ESR1: variants seen among roughly 807,000 people sequenced by gnomAD.
ESR1 encodes the protein estrogen receptor.
ESR1 carries 12 observed loss-of-function variants against 52.7 expected under a neutral mutation model. The ratio of observed to expected loss-of-function variants is 0.23; its 90% CI spans 0.15 to 0.37. ESR1 has a LOEUF of 0.37. ESR1 is among the 10% of genes least tolerant of loss of function. ESR1 has a pLI of 1.00. For synonymous variants in ESR1, 305 were observed against 316.8 expected, an observed-to-expected ratio of 0.96 and a Z score of 0.39; for missense variants, 584 against 779.7, an observed-to-expected ratio of 0.75 and a Z score of 2.99.
chr6:151,867,414 TAC>T (rs34943625), intron 2 of ESR1, among the ~76,000 whole-genome samples: 7,702 of 147,272 alleles, frequency 0.052, 299 homozygotes, highest in East Asian at 0.19. Flanking sequence ...TCAACAAATT[TAC>T]ACACACACAC....
chr6:151,956,863 AAT>A (rs148869477), intron 4 of ESR1, among the ~76,000 whole-genome samples: 5 of 53,898 alleles, frequency 9.3e-5, no homozygotes, highest in African/African-American at 1.9e-4. Context: ...TATATATATA[AAT>A]ATATATATAT....
At chr6:151,873,156 G>A (rs1463807633) in intron 2 of ESR1, among the ~76,000 whole-genome samples, 1 of 152,158 alleles carries the variant, frequency 6.6e-6, no homozygotes, top group East Asian at 1.9e-4. Context: ...TGGAGAAGCT[G>A]GGCTTTCCAT....
At chr6:152,092,472 G>T (rs994863856) in intron 6 of ESR1, among the ~76,000 whole-genome samples, 2 of 152,158 alleles carry the variant, frequency 1.3e-5, no homozygotes, top group South Asian at 4.1e-4. Context: ...AAACTGCTAC[G>T]TGAGCAGTAA....
intron 2 of ESR1, among the ~76,000 whole-genome samples, chr6:151,708,832 T>A (rs917280325): frequency 5.3e-5 from 8 of 152,166 alleles, no homozygotes; most frequent in Non-Finnish European, 1.2e-4. Flanking sequence ...GTTGTATGAT[T>A]TATTGTGTAT....
chr6:152,051,314 T>G (rs1378009609), intron 5 of ESR1, among the ~76,000 whole-genome samples: 1 of 152,164 alleles, frequency 6.6e-6, no homozygotes. Flanking sequence ...ACATCCACTG[T>G]CTACTTTCTT....
At chr6:151,924,843 T>C (rs2032390817) in intron 3 of ESR1, among the ~76,000 whole-genome samples, 1 of 152,200 alleles carries the variant, frequency 6.6e-6, no homozygotes, top group Non-Finnish European at 1.5e-5. Flanking sequence ...TTGTTTTTTT[T>C]TAAACCCTGC....
downstream of ESR1, among the ~76,000 whole-genome samples, chr6:152,106,075 G>A (rs368447315): frequency 6.6e-5 from 10 of 151,080 alleles, no homozygotes; most frequent in East Asian, 1.9e-3. Flanking sequence ...TTACAGGCGT[G>A]AGCCACCGCG....
chr6:151,745,281 T>C (rs1783400109), intron 2 of ESR1, among the ~76,000 whole-genome samples: 1 of 152,186 alleles, frequency 6.6e-6, no homozygotes, highest in Non-Finnish European at 1.5e-5. Context: ...AGCTGGTCTC[T>C]TTCTGGCCTG....
chr6:151,843,479 GA>G (rs1490720142), intron 2 of ESR1, among the ~76,000 whole-genome samples: 1 of 152,098 alleles, frequency 6.6e-6, no homozygotes, highest in African/African-American at 2.4e-5. Context: ...TTCTACTCCA[GA>G]AATGTCTCTA....
chr6:151,663,262 T>C (rs994449658), intron 1 of ESR1, among the ~76,000 whole-genome samples: 2 of 152,252 alleles, frequency 1.3e-5, no homozygotes, highest in African/African-American at 4.8e-5. Context: ...ATTAATGGCC[T>C]ATAGAGCTTC....
chr6:151,806,530 G>GTATATGTATATATATATATATATATATA (rs1554259016), upstream of ESR1, among the ~76,000 whole-genome samples: 1 of 96,468 alleles, frequency 1.0e-5, no homozygotes, highest in Non-Finnish European at 2.2e-5. Context: ...TCCTTAATAT[G>GTATATGTATATATATATATATATATATA]TATATATATA....
intron 1 of ESR1, among the ~76,000 whole-genome samples, chr6:151,693,669 G>C (rs2941739): frequency 0.43 from 64,860 of 152,030 alleles, 14,248 homozygotes; most frequent in Non-Finnish European, 0.45. Flanking sequence ...CGAGGCTGGA[G>C]TGCAGTGGTG....
upstream of ESR1, among the ~76,000 whole-genome samples, chr6:151,799,963 G>T (rs1006290959): frequency 6.6e-6 from 1 of 152,194 alleles, no homozygotes; most frequent in Non-Finnish European, 1.5e-5. Flanking sequence ...CTTGATAAAT[G>T]AGGATAGTAA....
intron 1 of ESR1, among the ~76,000 whole-genome samples, chr6:151,676,316 ATC>A (rs1426325318): frequency 6.6e-6 from 1 of 152,162 alleles, no homozygotes; most frequent in Non-Finnish European, 1.5e-5. Context: ...GACACCAGCC[ATC>A]TCTCTCTCCT....
At chr6:151,957,646 A>G (rs1005704769) in intron 4 of ESR1, among the ~76,000 whole-genome samples, 2 of 133,070 alleles carry the variant, frequency 1.5e-5, no homozygotes, top group African/African-American at 5.1e-5. Flanking sequence ...GCTTTAAGCT[A>G]TCCTACAAGC....
chr6:151,704,463 C>A (rs1249334722), intron 2 of ESR1, among the ~76,000 whole-genome samples: 1 of 152,154 alleles, frequency 6.6e-6, no homozygotes, highest in African/African-American at 2.4e-5. Flanking sequence ...CCATGTTGAC[C>A]AGGCTGGTCT....
intron 2 of ESR1, among the ~76,000 whole-genome samples, chr6:151,758,547 G>C (rs1296833407): frequency 6.6e-6 from 1 of 151,516 alleles, no homozygotes; most frequent in Non-Finnish European, 1.5e-5. Context: ...GATCACCTGA[G>C]GTCAGGAGTT....
intron 4 of ESR1, among the ~76,000 whole-genome samples, chr6:151,981,976 A>G (rs928222585): frequency 3.3e-5 from 5 of 152,264 alleles, no homozygotes; most frequent in Non-Finnish European, 7.3e-5. Context: ...CATCCTCTAC[A>G]TAGTGTTAAA....
intron 2 of ESR1, among the ~76,000 whole-genome samples, chr6:151,772,556 C>G (rs535304003): frequency 2.6e-5 from 4 of 152,226 alleles, no homozygotes; most frequent in African/African-American, 9.6e-5. Context: ...ACATTGTCTA[C>G]TTTTCTGGGG....
Sources: gnomAD v4.1 joint callset for allele counts (sites outside exome capture counted in the v4.1 genomes callset) on GRCh38, gnomAD v4.1.1 for gene constraint, MANE v1.5 for transcripts, NCBI Gene and HGNC (gene_info 2026-07-23, HGNC 2026-07-21) for gene names.